VWC2L: variants seen among roughly 807,000 people sequenced by gnomAD.
VWC2L encodes von Willebrand factor C domain containing 2 like.
In VWC2L, 10 loss-of-function variants were observed where a neutral mutation model predicts 21.6. That is an observed-to-expected ratio of 0.46 (90% confidence interval 0.29 to 0.78). The LOEUF (loss-of-function observed/expected upper bound fraction) is 0.78, where lower values mean the gene tolerates loss of function less well. Ranked by LOEUF, VWC2L falls within the 30% of genes least tolerant of loss-of-function variation. VWC2L has a pLI of 0.10. For synonymous variants in VWC2L, 96 were observed against 94.3 expected, an observed-to-expected ratio of 1.02 and a Z score of -0.10; for missense variants, 209 against 277.1, an observed-to-expected ratio of 0.75 and a Z score of 1.74.
chr2:214,513,147 G>A (rs1689084462), intron 3 of VWC2L, among the ~76,000 whole-genome samples: 1 of 152,084 alleles, frequency 6.6e-6, no homozygotes, highest in Admixed American at 6.5e-5. Flanking sequence ...AGCACTGATG[G>A]TAACATTTTA....
At chr2:214,457,093 T>G (rs911393737) in intron 3 of VWC2L, among the ~76,000 whole-genome samples, 4 of 152,090 alleles carry the variant, frequency 2.6e-5, no homozygotes, top group African/African-American at 9.7e-5. Flanking sequence ...TTTAAAAAAT[T>G]TCTGTGAAAA....
intron 3 of VWC2L, among the ~76,000 whole-genome samples, chr2:214,486,808 G>C (rs758534705): frequency 6.6e-6 from 1 of 152,062 alleles, no homozygotes; most frequent in Non-Finnish European, 1.5e-5. Flanking sequence ...TGATATAAAT[G>C]ATCTGAAAAC....
At chr2:214,474,809 C>T (rs1688484790) in intron 3 of VWC2L, among the ~76,000 whole-genome samples, 5 of 152,082 alleles carry the variant, frequency 3.3e-5, no homozygotes, top group African/African-American at 1.2e-4. Flanking sequence ...CACATAGTTG[C>T]CGGCACATAA....
Position 214,442,626 on chromosome 2 carries a change from T to C in VWC2L, c.520+5868T>C, listed in dbSNP as rs563800859. On this transcript the variant is annotated intron_variant, in intron 3 of 3. Coordinates refer to ENST00000312504, the MANE Select transcript of VWC2L (RefSeq NM_001080500.4). ...ATATTTTATTTCACAGGACTCTTTA[T>C]TAAATAATTTTTACAAATCTATATT... is the stretch of plus-strand genomic sequence containing the variant. 1.3e-3 allele frequency among the ~76,000 whole-genome samples: 199 copies of C among 152,094 alleles called. 1 individual carries two copies. The highest frequency in any genetic ancestry group is 6.8e-3 in the Middle Eastern group (2 of 294).
intron 3 of VWC2L, among the ~76,000 whole-genome samples, chr2:214,567,855 C>T (rs1690092840): frequency 6.6e-6 from 1 of 152,092 alleles, no homozygotes; most frequent in Admixed American, 6.6e-5. Context: ...AAATAATACT[C>T]ATGAGGAGAA....
At position 214,544,960 on chromosome 2, in the gene VWC2L, T is replaced by C. The variant is rs1337457409; in HGVS notation, c.521-30712T>C. 2.0e-5 allele frequency among the ~76,000 whole-genome samples: 3 copies of C among 152,182 alleles called. No homozygotes were observed. In the East Asian group the frequency reaches 5.8e-4, roughly 29 times the overall value. On this transcript the variant is annotated intron_variant, in intron 3 of 3. Coordinates refer to ENST00000312504, the MANE Select transcript of VWC2L (RefSeq NM_001080500.4). ...GAAAGGTCCCAAATTTACTCTGCTA[T>C]GTTGTTTCCCAATTATCCTGATTTT...
At chr2:214,503,101 C>A (rs1688918616) in intron 3 of VWC2L, among the ~76,000 whole-genome samples, 1 of 152,106 alleles carries the variant, frequency 6.6e-6, no homozygotes, top group Non-Finnish European at 1.5e-5. Context: ...AGCACCAAAC[C>A]CAAGAACCTG....
At chr2:214,546,632 C>T (rs1689710982) in intron 3 of VWC2L, among the ~76,000 whole-genome samples, 1 of 152,034 alleles carries the variant, frequency 6.6e-6, no homozygotes, top group Non-Finnish European at 1.5e-5. Flanking sequence ...TGTTCAGGTA[C>T]CGAGAAACCT....
intron 3 of VWC2L, among the ~76,000 whole-genome samples, chr2:214,523,920 T>A (rs1689284880): frequency 6.6e-6 from 1 of 152,236 alleles, no homozygotes; most frequent in Non-Finnish European, 1.5e-5. Flanking sequence ...CTTAATTTAA[T>A]GCTTAAATTT....
intron 3 of VWC2L, among the ~76,000 whole-genome samples, chr2:214,565,267 T>A (rs1284849380): frequency 6.6e-6 from 1 of 151,520 alleles, no homozygotes; most frequent in Admixed American, 6.6e-5. Flanking sequence ...AAGATAGATA[T>A]TTAGATAAAT....
At chr2:214,507,387 T>C (rs1022079848) in intron 3 of VWC2L, among the ~76,000 whole-genome samples, 2 of 152,234 alleles carry the variant, frequency 1.3e-5, no homozygotes, top group African/African-American at 4.8e-5. Flanking sequence ...AGTAATTGCA[T>C]GTATAGAATG....
intron 3 of VWC2L, among the ~76,000 whole-genome samples, chr2:214,508,382 C>T (rs1184491691): frequency 3.9e-5 from 6 of 152,154 alleles, no homozygotes; most frequent in African/African-American, 1.2e-4. Flanking sequence ...CTGTCTCTCC[C>T]CTTTTCATCC....
chr2:214,473,164 C>G (rs1703335333), intron 3 of VWC2L, among the ~76,000 whole-genome samples: 1 of 152,048 alleles, frequency 6.6e-6, no homozygotes, highest in South Asian at 2.1e-4. Flanking sequence ...AAATTGCTCA[C>G]AATAAAAGCT....
Position 214,436,853 on chromosome 2 carries a change from T to C in VWC2L, c.520+95T>C, listed in dbSNP as rs1437863147. The C allele has an allele frequency of 4.1e-6, 6 of 1,464,260 alleles. 1 individual carries two copies. Among genetic ancestry groups the C allele is most frequent in the Non-Finnish European group, 5.6e-6 (6 of 1,071,168 alleles). 90.7% of individuals were successfully genotyped at this position (1,464,260 alleles called of 1,614,324 possible). ...CATTCAATGCAAGACCCCTCTAAGA[T>C]CTGCCTGTGGCTTTTCAATATGGGC... is the stretch of plus-strand genomic sequence containing the variant. On this transcript the variant is annotated intron_variant, in intron 3 of 3. Transcript: ENST00000312504.
At chr2:214,438,516 T>G (rs967652398) in intron 3 of VWC2L, among the ~76,000 whole-genome samples, 4 of 152,062 alleles carry the variant, frequency 2.6e-5, no homozygotes, top group African/African-American at 9.7e-5. Context: ...ATGGTTATAG[T>G]TAAAATTTCT....
rs1690228385 is a variant in VWC2L, at chr2:214,576,292, A to G, written c.*472A>G. 1 of 152,186 alleles carries G rather than the reference A, an allele frequency of 6.6e-6. No homozygotes were observed. Among genetic ancestry groups the G allele is most frequent in the African/African-American group, 2.4e-5 (1 of 41,412 alleles). 9.4% of individuals were successfully genotyped at this position (152,186 alleles called of 1,614,324 possible). ...AAAGTTTTGAGTTGTGTAAAAAAAA[A>G]AGTTTGGTAAAGGAATGTCAGGGGA... On this transcript the variant is annotated 3_prime_UTR_variant, in exon 4 of 4. Transcript: ENST00000312504.
At chr2:214,476,118 CTCTT>C (rs1195624298) in intron 3 of VWC2L, among the ~76,000 whole-genome samples, 3 of 152,204 alleles carry the variant, frequency 2.0e-5, no homozygotes, top group Admixed American at 1.3e-4. Context: ...CCTCCTTTCT[CTCTT>C]TGATTGTGTG....
intron 3 of VWC2L, among the ~76,000 whole-genome samples, chr2:214,497,589 C>T (rs1688829991): frequency 6.6e-6 from 1 of 152,172 alleles, no homozygotes; most frequent in Non-Finnish European, 1.5e-5. Flanking sequence ...CATACTTTGG[C>T]TCAGGATATA....
rs1405909509 is a variant in VWC2L at position 214,522,413 on chromosome 2, T to TCCAGCAAAAAAAAA, written c.521-53259_521-53258insCCAGCAAAAAAAAA. ...AAAAAAAAATTGCATTTTTTTCCTC[T>TCCAGCAAAAAAAAA]TTGCTGATTCCTCCTCCACTTCTAT... is the stretch of plus-strand genomic sequence containing the variant. On this transcript the variant is annotated intron_variant, in intron 3 of 3. Transcript: ENST00000312504. 2.0e-4 allele frequency among the ~76,000 whole-genome samples: 30 copies of TCCAGCAAAAAAAAA among 151,692 alleles called. No individual in the cohort carries two copies. The East Asian group carries it at 5.6e-3, about 28-fold the overall frequency.
Sources: allele counts gnomAD v4.1 joint callset (sites outside exome capture counted in the v4.1 genomes callset), GRCh38; gene constraint gnomAD v4.1.1; transcripts MANE v1.5; gene names NCBI Gene and HGNC (gene_info 2026-07-23, HGNC 2026-07-21).